PLCB1: variants seen among roughly 807,000 people sequenced by gnomAD.
The protein encoded by PLCB1 is 1-phosphatidylinositol 4,5-bisphosphate phosphodiesterase beta-1.
A neutral mutation model predicts 161.8 loss-of-function variants in PLCB1; 46 were observed. The ratio of observed to expected loss-of-function variants is 0.28; its 90% CI spans 0.22 to 0.36. The LOEUF is 0.36. Ranked by LOEUF, PLCB1 falls within the 10% of genes least tolerant of loss-of-function variation. The pLI is 1.00. For missense variants in PLCB1, 1,016 were observed against 1,472.5 expected (o/e 0.69, Z 5.07); for synonymous variants, 517 against 503.7 (o/e 1.03, Z -0.35).
At chr20:8,292,991 A>G (rs553423398) in intron 2 of PLCB1, among the ~76,000 whole-genome samples, 2 of 152,214 alleles carry the variant, frequency 1.3e-5, no homozygotes, top group South Asian at 4.1e-4. Context: ...AGAGCTTATC[A>G]CTTTAAAGTG....
chr20:8,133,614 T>A (rs6140545), intron 1 of PLCB1, among the ~76,000 whole-genome samples: 43,954 of 152,058 alleles, frequency 0.29, 6,906 homozygotes, highest in African/African-American at 0.41. Context: ...CTACCCCAGT[T>A]GTCTTCAAAA....
intron 2 of PLCB1, among the ~76,000 whole-genome samples, chr20:8,257,164 A>G (rs1177853697): frequency 2.0e-5 from 3 of 152,160 alleles, no homozygotes; most frequent in Non-Finnish European, 4.4e-5. Context: ...CATAATTCCT[A>G]TATTTAGCTT....
At chr20:8,556,986 A>T (rs199684651) in intron 3 of PLCB1, among the ~76,000 whole-genome samples, 1 of 69,562 alleles carries the variant, frequency 1.4e-5, no homozygotes, top group Non-Finnish European at 3.8e-5. Context: ...AATAAATAAA[A>T]TAAATAAATA....
At chr20:8,614,364 A>ACACACACC (rs143356306) in intron 3 of PLCB1, among the ~76,000 whole-genome samples, 12,243 of 151,944 alleles carry the variant, frequency 0.081, 1,151 homozygotes, top group African/African-American at 0.23. Context: ...ATACACATAC[A>ACACACACC]CACACACAGA....
intron 1 of PLCB1, among the ~76,000 whole-genome samples, chr20:8,133,247 G>A (rs1397258240): frequency 1.3e-5 from 2 of 152,180 alleles, no homozygotes; most frequent in Admixed American, 1.3e-4. Context: ...GAGCCAAGGC[G>A]GCGGAGGACA....
At chr20:8,790,289 A>G in intron 31 of PLCB1, 28 bp downstream of exon 31, 1 of 1,516,530 alleles carries the variant, frequency 6.6e-7, no homozygotes, top group Non-Finnish European at 9.1e-7. Flanking sequence ...AAAATGAACA[A>G]TTATTTTATT....
chr20:8,729,106 C>G lies in PLCB1; in HGVS notation c.1820C>G (p.Ser607Cys). 1 of 1,612,284 alleles carries G rather than the reference C, an allele frequency of 6.2e-7. No homozygotes were observed. Among genetic ancestry groups the G allele is most frequent in the South Asian group, 1.1e-5 (1 of 90,914 alleles). Residue 607 changes from serine to cysteine, a missense_variant, in exon 18 of 32, where the codon TCC becomes TGC. Transcript: ENST00000338037. The stretch of plus-strand genomic sequence containing the variant: ...CCAAAAGGAACACGTGTGGATTCAT[C>G]CAACTATATGCCTCAGCTCTTCTGG... The part of the protein sequence containing the change: ...IYPKGTRVDS[S>C]NYMPQLFWNA...
At chr20:8,832,992 A>C (rs1285178493) in intron 31 of PLCB1, among the ~76,000 whole-genome samples, 3 of 152,128 alleles carry the variant, frequency 2.0e-5, no homozygotes, top group African/African-American at 7.2e-5. Flanking sequence ...CACCAAAAAG[A>C]CATGTCCTTA....
intron 31 of PLCB1, among the ~76,000 whole-genome samples, chr20:8,820,385 C>G (rs1271306675): frequency 6.6e-6 from 1 of 151,982 alleles, no homozygotes; most frequent in Non-Finnish European, 1.5e-5. Flanking sequence ...TAAATAGGCT[C>G]AAGCTCATTA....
chr20:8,879,513 G>A (rs1032412535), intron 31 of PLCB1, among the ~76,000 whole-genome samples: 1 of 151,798 alleles, frequency 6.6e-6, no homozygotes, highest in South Asian at 2.1e-4. Flanking sequence ...CATATGACAG[G>A]GCATACATGA....
intron 31 of PLCB1, among the ~76,000 whole-genome samples, chr20:8,829,981 A>G (rs1005723157): frequency 6.6e-6 from 1 of 152,212 alleles, no homozygotes; most frequent in African/African-American, 2.4e-5. Context: ...TTGTCTACAT[A>G]TATAATCCTA....
At chr20:8,173,541 G>C (rs2051753386) in intron 2 of PLCB1, among the ~76,000 whole-genome samples, 1 of 151,898 alleles carries the variant, frequency 6.6e-6, no homozygotes, top group Non-Finnish European at 1.5e-5. Flanking sequence ...TAAAAGGAAA[G>C]ATTTGAATAG....
chr20:8,143,758 C>T (rs539202323), intron 1 of PLCB1, among the ~76,000 whole-genome samples: 30 of 152,248 alleles, frequency 2.0e-4, no homozygotes, highest in African/African-American at 6.7e-4. Flanking sequence ...GAGAGTGTGG[C>T]TCAGATAATG....
intron 2 of PLCB1, among the ~76,000 whole-genome samples, chr20:8,228,750 G>A (rs1034522113): frequency 3.9e-5 from 6 of 151,966 alleles, no homozygotes; most frequent in African/African-American, 1.2e-4. Context: ...CTCTCCACTT[G>A]TTTTTCAGTT....
chr20:8,433,398 T>G (rs1980145717), intron 3 of PLCB1, among the ~76,000 whole-genome samples: 1 of 116,262 alleles, frequency 8.6e-6, no homozygotes, highest in Admixed American at 7.9e-5. Flanking sequence ...AGTGGGCTTC[T>G]TTTGATTTGC....
chr20:8,749,485 C>G (rs1981343023), intron 23 of PLCB1, among the ~76,000 whole-genome samples: 1 of 152,168 alleles, frequency 6.6e-6, no homozygotes, highest in Non-Finnish European at 1.5e-5. Context: ...TAATTAATCT[C>G]AAAGATATAT....
intron 3 of PLCB1, among the ~76,000 whole-genome samples, chr20:8,411,511 A>T (rs1453455775): frequency 6.6e-6 from 1 of 152,150 alleles, no homozygotes; most frequent in Non-Finnish European, 1.5e-5. Flanking sequence ...TACATCATAA[A>T]TTCATTCTTT....
chr20:8,773,098 T>G (rs1982774577), intron 26 of PLCB1, among the ~76,000 whole-genome samples: 1 of 152,186 alleles, frequency 6.6e-6, no homozygotes, highest in Non-Finnish European at 1.5e-5. Context: ...CCGCATCCCT[T>G]ATTTGACAAA....
chr20:8,457,950 A>G (rs1302415834), intron 3 of PLCB1, among the ~76,000 whole-genome samples: 1 of 152,250 alleles, frequency 6.6e-6, no homozygotes, highest in Non-Finnish European at 1.5e-5. Flanking sequence ...TGATTTATTT[A>G]GAGTTTGCAA....
Sources: gnomAD v4.1 joint callset for allele counts (sites outside exome capture counted in the v4.1 genomes callset) on GRCh38, gnomAD v4.1.1 for gene constraint, MANE v1.5 for transcripts, NCBI Gene and HGNC (gene_info 2026-07-23, HGNC 2026-07-21) for gene names.